ZBTB43: variants seen among roughly 807,000 people sequenced by gnomAD.
ZBTB43 encodes the protein zinc finger and BTB domain-containing protein 43.
ZBTB43 carries 6 observed loss-of-function variants against 31.1 expected under a neutral mutation model. The observed-to-expected ratio is 0.19, with a 90% CI of 0.11 to 0.38. The LOEUF is 0.38. ZBTB43 is among the 10% of genes least tolerant of loss of function. The pLI, the probability that ZBTB43 is intolerant of heterozygous loss-of-function variation, is 1.00. For synonymous variants in ZBTB43, 212 were observed against 221.7 expected (o/e 0.96, Z 0.39); for missense variants, 379 against 602.1 (o/e 0.63, Z 3.88).
chr9:126,818,625 T>C (rs573958582), intron 2 of ZBTB43, among the ~76,000 whole-genome samples: 1 of 152,338 alleles, frequency 6.6e-6, no homozygotes, highest in Non-Finnish European at 1.5e-5. Flanking sequence ...ACGTGTTTTA[T>C]GTGTTTTTTT....
At chr9:126,824,859 C>T (rs571724794) in intron 2 of ZBTB43, among the ~76,000 whole-genome samples, 1 of 152,028 alleles carries the variant, frequency 6.6e-6, no homozygotes, top group Non-Finnish European at 1.5e-5. Flanking sequence ...GTTTTTCAGC[C>T]CTTTTCTGTG....
chr9:126,836,839 C>T lies in ZBTB43; in HGVS notation c.*2926C>T, dbSNP rs548675102. The stretch of plus-strand genomic sequence containing the variant: ...ATACTTGGGGCCAGGCATGGTGGCT[C>T]ACGCCTGTAATCCCAGCACTTTGGG... On this transcript the variant is annotated 3_prime_UTR_variant, in exon 3 of 3. Transcript: ENST00000373464. 3 of 161,842 alleles carry T rather than the reference C, an allele frequency of 1.9e-5. No homozygotes were observed. Among genetic ancestry groups the T allele is most frequent in the African/African-American group, 2.4e-5 (1 of 41,544 alleles). The allele number at this position is 161,842 out of a possible 1,614,324, so 10.0% of individuals were successfully genotyped here.
intron 2 of ZBTB43, among the ~76,000 whole-genome samples, chr9:126,818,839 C>T (rs1234222489): frequency 6.6e-6 from 1 of 152,074 alleles, no homozygotes; most frequent in East Asian, 1.9e-4. Context: ...GTGTTTTTGT[C>T]TGGCTTTCAT....
Position 126,833,755 on chromosome 9 carries a change from G to T in ZBTB43, c.1246G>T (p.Val416Leu). 1 of 1,611,150 alleles carries T rather than the reference G, an allele frequency of 6.2e-7. No homozygotes were observed. The highest frequency in any genetic ancestry group is 8.5e-7 in the Non-Finnish European group (1 of 1,177,498). The change falls in exon 3 of 3, where the codon GTG (valine) becomes TTG (leucine). Residue 416 changes from valine to leucine, a missense_variant. Around this residue, in one of 5 missense-constraint regions of ZBTB43, gnomAD observed 23 missense variants for 105.1 expected, o/e 0.22. Transcript: ENST00000373464. The surrounding 1 kb of genome is among the most constrained non-coding windows in gnomAD (Gnocchi z 7.9). ...GAAATTCAAAATGAAGCACCATCTC[G>T]TGGGCCACATGAAAATTCACACAGG... ...GKKFKMKHHL[V>L]GHMKIHTGIK...
At chr9:126,811,879 C>G (rs1316622241) in intron 2 of ZBTB43, among the ~76,000 whole-genome samples, 1 of 152,230 alleles carries the variant, frequency 6.6e-6, no homozygotes, top group African/African-American at 2.4e-5. Context: ...CCACCTCGGC[C>G]TCCCGAAGTG....
Position 126,835,839 on chromosome 9 carries a change from C to G in ZBTB43, c.*1926C>G, listed in dbSNP as rs934762091. On this transcript the variant is annotated 3_prime_UTR_variant, in exon 3 of 3. Coordinates refer to ENST00000373464, the MANE Select transcript of ZBTB43 (RefSeq NM_014007.4). ...GGTTAGCAGTCTTTTCTCTGTGTAC[C>G]TGACACACGTATACTGAGGGGATTG... is the stretch of plus-strand genomic sequence containing the variant. 6.0e-6 allele frequency: 1 copy of G among 166,730 alleles called. No homozygotes were observed. The highest frequency in any genetic ancestry group is 2.4e-5 in the African/African-American group (1 of 41,370). The allele number at this position is 166,730 out of a possible 1,614,324, so 10.3% of individuals were successfully genotyped here.
intron 2 of ZBTB43, among the ~76,000 whole-genome samples, chr9:126,818,538 C>A (rs112215742): frequency 0.014 from 2,114 of 152,192 alleles, 54 homozygotes; most frequent in African/African-American, 0.048. Flanking sequence ...AGCCACCACG[C>A]CTAGCTTCTT....
At chr9:126,807,707 C>G (rs2032158051) in intron 1 of ZBTB43, among the ~76,000 whole-genome samples, 1 of 152,130 alleles carries the variant, frequency 6.6e-6, no homozygotes, top group African/African-American at 2.4e-5. Flanking sequence ...GCAATCCCGG[C>G]TCACTGCAAC....
intron 2 of ZBTB43, among the ~76,000 whole-genome samples, chr9:126,818,311 A>G (rs1011118979): frequency 6.6e-6 from 1 of 150,642 alleles, no homozygotes; most frequent in African/African-American, 2.4e-5. Context: ...ATATATATAT[A>G]TATTTAGAAA....
Position 126,834,989 on chromosome 9 carries a change from A to G in ZBTB43, c.*1076A>G, listed in dbSNP as rs1019052005. 6.0e-6 allele frequency: 1 copy of G among 167,078 alleles called. No homozygotes were observed. Among genetic ancestry groups the G allele is most frequent in the Non-Finnish European group, 1.5e-5 (1 of 68,140 alleles). 10.3% of individuals were successfully genotyped at this position (167,078 alleles called of 1,614,324 possible). ...GATAGGCAGGATTCTATGAGTGGTT[A>G]TACTTAAGGGGGACAAAACTGCCCA... On this transcript the variant is annotated 3_prime_UTR_variant, in exon 3 of 3. Coordinates refer to ENST00000373464, the MANE Select transcript of ZBTB43 (RefSeq NM_014007.4).
rs1274885043 is a variant in ZBTB43, at chr9:126,835,142, G to A, written c.*1229G>A. 1.2e-5 allele frequency: 2 copies of A among 166,908 alleles called. No individual in the cohort carries two copies. Among genetic ancestry groups the A allele is most frequent in the African/African-American group, 4.8e-5 (2 of 41,376 alleles). The allele number at this position is 166,908 out of a possible 1,614,324, so 10.3% of individuals were successfully genotyped here. A position where few individuals can be genotyped will look rare whatever the true frequency, so the allele number is the denominator to read the frequency against. ...GTAAAAGGAGTCCTAAGTTTAGCAA[G>A]GTAGTCTACAGAACCATGCTCCCAC... On this transcript the variant is annotated 3_prime_UTR_variant, in exon 3 of 3. Coordinates refer to ENST00000373464, the MANE Select transcript of ZBTB43 (RefSeq NM_014007.4).
At chr9:126,823,998 C>G (rs113830883) in intron 2 of ZBTB43, among the ~76,000 whole-genome samples, 1,762 of 151,820 alleles carry the variant, frequency 0.012, 38 homozygotes, top group African/African-American at 0.039. Flanking sequence ...CATATAGAAA[C>G]AAAAGAATTA....
chr9:126,827,008 G>A (rs940797809), intron 2 of ZBTB43, among the ~76,000 whole-genome samples: 2 of 152,202 alleles, frequency 1.3e-5, no homozygotes, highest in African/African-American at 4.8e-5. Flanking sequence ...GACATTTGGA[G>A]TATGATACTG....
chr9:126,826,263 C>T (rs12235408), intron 2 of ZBTB43, among the ~76,000 whole-genome samples: 2 of 151,526 alleles, frequency 1.3e-5, no homozygotes, highest in Non-Finnish European at 2.9e-5. Flanking sequence ...CCACCCATCT[C>T]GGCCTCCCAA....
chr9:126,817,618 G>A (rs2032417645), intron 2 of ZBTB43, among the ~76,000 whole-genome samples: 1 of 152,022 alleles, frequency 6.6e-6, no homozygotes, highest in African/African-American at 2.4e-5. Flanking sequence ...TGGGACTACA[G>A]GTGCCTGCCA....
chr9:126,830,244 A>G lies in ZBTB43; in HGVS notation c.-23-2243A>G, dbSNP rs151324607. The stretch of plus-strand genomic sequence containing the variant: ...GAAAAAAGGTATCAGTCCCTAACAT[A>G]TCATAATTACTCAAGAAACCTTCAT... On this transcript the variant is annotated intron_variant, in intron 2 of 2. Transcript: ENST00000373464. Among the ~76,000 whole-genome samples, 15 of 152,370 alleles carry G rather than the reference A, an allele frequency of 9.8e-5. No homozygotes were observed. The East Asian group carries it at 2.7e-3, about 27-fold the overall frequency.
chr9:126,829,785 C>G (rs956504049), intron 2 of ZBTB43, among the ~76,000 whole-genome samples: 4 of 151,852 alleles, frequency 2.6e-5, no homozygotes, highest in African/African-American at 9.7e-5. Flanking sequence ...AAGCAAAATT[C>G]TACAGTGGTG....
chr9:126,829,178 C>T (rs1346584615), intron 2 of ZBTB43, among the ~76,000 whole-genome samples: 1 of 152,102 alleles, frequency 6.6e-6, no homozygotes, highest in Non-Finnish European at 1.5e-5. Context: ...ATTAGCCAGG[C>T]ATGGTGGCAT....
At chr9:126,822,929 T>G (rs1011554403) in intron 2 of ZBTB43, among the ~76,000 whole-genome samples, 1 of 151,158 alleles carries the variant, frequency 6.6e-6, no homozygotes, top group Non-Finnish European at 1.5e-5. Context: ...GGTGAGTACT[T>G]TTTTTTTTTT....
Sources: gnomAD v4.1 joint callset for allele counts (sites outside exome capture counted in the v4.1 genomes callset) on GRCh38, gnomAD v4.1.1 for gene constraint, gnomAD v4.1.1 regional missense constraint, Gnocchi (gnomAD v3.1) non-coding constraint, MANE v1.5 for transcripts, NCBI Gene and HGNC (gene_info 2026-07-23, HGNC 2026-07-21) for gene names.